Variants in NSFL1C observed in about 807,000 individuals in gnomAD.
The protein encoded by NSFL1C is NSFL1 cofactor.
A neutral mutation model predicts 43.1 loss-of-function variants in NSFL1C; 14 were observed. That is an observed-to-expected ratio of 0.32 (90% CI 0.21 to 0.51). The LOEUF (loss-of-function observed/expected upper bound fraction) is 0.51. Ranked by LOEUF, NSFL1C falls within the 20% of genes least tolerant of loss-of-function variation. NSFL1C has a pLI of 0.98. For missense variants in NSFL1C, 406 were observed against 472.5 expected, an observed-to-expected ratio of 0.86 and a Z score of 1.30; for synonymous variants, 171 against 183.5, an observed-to-expected ratio of 0.93 and a Z score of 0.55.
chr20:1,462,131 C>T (rs1421617130), intron 2 of NSFL1C, among the ~76,000 whole-genome samples: 1 of 152,134 alleles, frequency 6.6e-6, no homozygotes, highest in African/African-American at 2.4e-5. Flanking sequence ...TTGGGTGTTG[C>T]TCTGAGGCAG....
chr20:1,453,439 G>A (rs920859136), intron 5 of NSFL1C, among the ~76,000 whole-genome samples: 9 of 152,140 alleles, frequency 5.9e-5, no homozygotes, highest in African/African-American at 1.7e-4. Context: ...CTCAATCGAC[G>A]CTTTGCTTGT....
In NSFL1C at chr20:1,455,071, T is replaced by G; in HGVS notation, c.340A>C (p.Ser114Arg). ...QQIVGPPRKK[S>R]PNELVDDLFK... is the part of the protein sequence containing the mutation. ...AGATCATCCACCAGCTCGTTGGGAC[T>G]TTTCTTCCTGGGAGGGCCAACAATC... The change falls in exon 4 of 9, where the codon AGT becomes CGT. Residue 114 changes from serine to arginine, a missense_variant. Coordinates refer to ENST00000216879, the MANE Select transcript of NSFL1C (RefSeq NM_016143.5). 1 of 1,614,142 alleles carries G rather than the reference T, an allele frequency of 6.2e-7. No homozygotes were observed.
intron 5 of NSFL1C, among the ~76,000 whole-genome samples, 184 bp downstream of exon 5, chr20:1,454,029 G>A (rs1024089002): frequency 6.6e-6 from 1 of 152,090 alleles, no homozygotes; most frequent in African/African-American, 2.4e-5. Flanking sequence ...CTCTCACCCA[G>A]CACCCAGGAA....
At position 1,445,694 on chromosome 20, in the gene NSFL1C, G is replaced by A; in HGVS notation, c.922C>T (p.Leu308=). The A allele has an allele frequency of 6.2e-7, 1 of 1,613,210 alleles. No individual in the cohort carries two copies. Residue 308 remains leucine (L), a synonymous_variant, in exon 8 of 9, where the codon CTG becomes TTG. Coordinates refer to ENST00000216879, the MANE Select transcript of NSFL1C (RefSeq NM_016143.5). ...IQIRLADGGR[L]VQKFNHSHRI... ...TGGCTGTGGTTAAATTTCTGCACCAGCCTCCCGCCGTCTGCAAGCCGAATT... is the reference window on the plus strand; with the variant it reads ...TGGCTGTGGTTAAATTTCTGCACCAACCTCCCGCCGTCTGCAAGCCGAATT...
intron 2 of NSFL1C, among the ~76,000 whole-genome samples, chr20:1,461,871 T>C (rs901668275): frequency 7.9e-5 from 12 of 152,198 alleles, no homozygotes; most frequent in African/African-American, 2.7e-4. Flanking sequence ...CACTCGTAAA[T>C]ACTCAATAAA....
At chr20:1,464,031 G>A (rs1175883688) in intron 2 of NSFL1C, 1 of 346,650 alleles carries the variant, frequency 2.9e-6, no homozygotes, top group Non-Finnish European at 5.2e-6. Context: ...AAGTTTTTTG[G>A]CTTTTACTTA....
intron 7 of NSFL1C, 83 bp from the exon 8 acceptor site, chr20:1,445,913 G>T: frequency 7.0e-7 from 1 of 1,430,796 alleles, no homozygotes; most frequent in Non-Finnish European, 9.7e-7. Context: ...CTGTTACTGA[G>T]CATTTGCAAT....
intron 3 of NSFL1C, 80 bp downstream of exon 3, chr20:1,458,120 C>T (rs2090339201): frequency 9.1e-7 from 1 of 1,101,522 alleles, no homozygotes; most frequent in East Asian, 2.4e-5. Context: ...ACATGTTTAC[C>T]AGGTCCTGTT....
chr20:1,443,509 A>C lies in NSFL1C; in HGVS notation c.*240T>G. On this transcript the variant is annotated 3_prime_UTR_variant, in exon 9 of 9. Coordinates refer to ENST00000216879, the MANE Select transcript of NSFL1C (RefSeq NM_016143.5). ...TACAACATGCTGGTGATATTCCTTC[A>C]ATTTTTTTGGTTGTTTTTATTTTTT... is the stretch of plus-strand genomic sequence containing the variant. 2 of 406,600 alleles carry C rather than the reference A, an allele frequency of 4.9e-6. No homozygotes were observed. The highest frequency in any genetic ancestry group is 5.3e-5 in the South Asian group (1 of 18,796). The allele number at this position is 406,600 out of a possible 1,614,324, so 25.2% of individuals were successfully genotyped here.
chr20:1,464,516 C>T, intron 1 of NSFL1C, 90 bp from the exon 2 acceptor site: 1 of 1,020,534 alleles, frequency 9.8e-7, no homozygotes, highest in Non-Finnish European at 1.5e-6. Context: ...CAGACATGGC[C>T]AACACTTACA....
At chr20:1,443,991 C>T in intron 8 of NSFL1C, 80 bp from the exon 9 acceptor site, 1 of 1,425,640 alleles carries the variant, frequency 7.0e-7, no homozygotes, top group Middle Eastern at 2.4e-4. Context: ...AAACACCTCG[C>T]AAATCCCCTT....
chr20:1,446,905 CAAATCCAACTGAAAGT>C (rs2090070888), intron 7 of NSFL1C, among the ~76,000 whole-genome samples: 2 of 152,080 alleles, frequency 1.3e-5, no homozygotes, highest in South Asian at 4.1e-4. Context: ...GTACTGAGAG[CAAATCCAACTGAAAGT>C]GCTTTCCAAA....
intron 2 of NSFL1C, 83 bp downstream of exon 2, chr20:1,464,246 C>G (rs2090466310): frequency 4.1e-6 from 5 of 1,213,228 alleles, no homozygotes; most frequent in African/African-American, 1.5e-5. Context: ...TCCACACACC[C>G]AGGCCTGAAC....
chr20:1,461,656 A>C lies in NSFL1C; in HGVS notation c.203+2673T>G, dbSNP rs548776794. ...AACATTGTTGGGGCTGAGAGCTGAA[A>C]TGCTGAATGTAGAAAACAGCCCTAC... On this transcript the variant is annotated intron_variant, in intron 2 of 8. Transcript: ENST00000216879. Among the ~76,000 whole-genome samples the C allele has an allele frequency of 3.9e-5, 6 of 152,254 alleles. No homozygotes were observed. In the East Asian group the frequency reaches 1.2e-3, roughly 29 times the overall value.
intron 5 of NSFL1C, 107 bp downstream of exon 5, chr20:1,454,106 T>C (rs2090244900): frequency 3.5e-6 from 3 of 845,920 alleles, no homozygotes; most frequent in East Asian, 2.5e-5. Flanking sequence ...TCTCTGTTAG[T>C]TTCCCTTTCA....
At chr20:1,464,278 C>A in intron 2 of NSFL1C, 51 bp downstream of exon 2, 1 of 1,531,448 alleles carries the variant, frequency 6.5e-7, no homozygotes, top group African/African-American at 1.4e-5. Context: ...AAAATAGCTC[C>A]TCTTCACTGC....
chr20:1,466,593 G>A (rs533611587), intron 1 of NSFL1C, 127 bp downstream of exon 1: 2 of 856,652 alleles, frequency 2.3e-6, no homozygotes, highest in East Asian at 3.1e-5. Flanking sequence ...CCGGGACCAT[G>A]AGGCCTGGGT....
At position 1,443,859 on chromosome 20, in the gene NSFL1C, T is replaced by C. The variant is rs1323157715; in HGVS notation, c.1003A>G (p.Thr335Ala). The change falls in exon 9 of 9, where the codon ACC (threonine) becomes GCC (alanine). Residue 335 changes from threonine (T) to alanine (A), a missense_variant. By Grantham distance (58) the Thr-to-Ala change is moderately conservative (BLOSUM62 0). Transcript: ENST00000216879. ...IVDARPAMAA[T>A]SFILMTTFPN... Reference sequence around the variant, plus strand: ...AAAGTAGTCATGAGGATAAAGCTGGTGGCAGCCATGGCTGGCCGGGCATCC... The same window carrying C: ...AAAGTAGTCATGAGGATAAAGCTGGCGGCAGCCATGGCTGGCCGGGCATCC... The C allele has an allele frequency of 1.2e-6, 2 of 1,613,828 alleles. No homozygotes were observed. Among genetic ancestry groups the C allele is most frequent in the Non-Finnish European group, 1.7e-6 (2 of 1,179,976 alleles).
Position 1,443,647 on chromosome 20 carries a change from G to A in NSFL1C, c.*102C>T. 1 of 1,229,344 alleles carries A rather than the reference G, an allele frequency of 8.1e-7. No homozygotes were observed. The highest frequency in any genetic ancestry group is 1.2e-6 in the Non-Finnish European group (1 of 857,596). The allele number at this position is 1,229,344 out of a possible 1,614,324, so 76.2% of individuals were successfully genotyped here. ...GAGCTATGGAGGAGACGTTGCACTGGACTGCTGGGTGTGCACAAGGGGGCA... is the reference window on the plus strand; with the variant it reads ...GAGCTATGGAGGAGACGTTGCACTGAACTGCTGGGTGTGCACAAGGGGGCA... On this transcript the variant is annotated 3_prime_UTR_variant, in exon 9 of 9. Transcript: ENST00000216879.
Sources: allele counts gnomAD v4.1 joint callset (sites outside exome capture counted in the v4.1 genomes callset), GRCh38; gene constraint gnomAD v4.1.1; transcripts MANE v1.5; gene names NCBI Gene and HGNC (gene_info 2026-07-23, HGNC 2026-07-21).